DPYD: variants seen among roughly 807,000 people sequenced by gnomAD.
DPYD encodes the protein dihydropyrimidine dehydrogenase.
Under a neutral mutation model 116.2 loss-of-function variants are expected in DPYD, and 109 were observed. That is an observed-to-expected ratio of 0.94 (90% CI 0.80 to 1.10). The LOEUF (loss-of-function observed/expected upper bound fraction) is 1.10. Ranked by LOEUF, DPYD falls within the 50% of genes least tolerant of loss-of-function variation. The pLI, the probability that DPYD is intolerant of heterozygous loss-of-function variation, is 0.00. For missense variants in DPYD, 1,302 were observed against 1,254.5 expected (o/e 1.04, Z -0.57); for synonymous variants, 440 against 432.0 (o/e 1.02, Z -0.23).
chr1:97,327,182 C>T (rs143032186), intron 16 of DPYD, among the ~76,000 whole-genome samples: 3 of 152,124 alleles, frequency 2.0e-5, no homozygotes, highest in East Asian at 1.9e-4. Flanking sequence ...TTTCCAAGTC[C>T]TCTCACCTAT....
intron 20 of DPYD, among the ~76,000 whole-genome samples, chr1:97,115,972 A>G (rs1365201474): frequency 6.6e-6 from 1 of 152,136 alleles, no homozygotes; most frequent in Non-Finnish European, 1.5e-5. Context: ...AAACTCCTAC[A>G]TTTTAGGTCT....
At chr1:97,166,413 G>C (rs933297610) in intron 20 of DPYD, among the ~76,000 whole-genome samples, 4 of 152,036 alleles carry the variant, frequency 2.6e-5, no homozygotes, top group Non-Finnish European at 5.9e-5. Context: ...GGGACCTACT[G>C]AGAGTGAGGG....
intron 20 of DPYD, among the ~76,000 whole-genome samples, chr1:97,188,680 T>C (rs936663603): frequency 6.6e-6 from 1 of 152,148 alleles, no homozygotes; most frequent in Non-Finnish European, 1.5e-5. Context: ...ACAAAAGAAG[T>C]GACATTTAAG....
intron 8 of DPYD, among the ~76,000 whole-genome samples, chr1:97,640,232 G>T (rs1453304239): frequency 1.3e-5 from 2 of 151,964 alleles, no homozygotes; most frequent in Non-Finnish European, 2.9e-5. Context: ...TCCAATTGTT[G>T]CATTTAAGAT....
At chr1:97,871,789 T>C (rs562243889) in intron 2 of DPYD, among the ~76,000 whole-genome samples, 1 of 151,952 alleles carries the variant, frequency 6.6e-6, no homozygotes, top group East Asian at 2.0e-4. Context: ...TACTTCTCCA[T>C]GGTTTTTCCA....
chr1:97,402,156 A>C (rs572867203), intron 14 of DPYD, among the ~76,000 whole-genome samples: 1 of 152,094 alleles, frequency 6.6e-6, no homozygotes, highest in Non-Finnish European at 1.5e-5. Context: ...AATGCCCACA[A>C]CACAACTTGC....
chr1:97,281,783 G>T (rs1441689377), intron 18 of DPYD, among the ~76,000 whole-genome samples: 2 of 151,770 alleles, frequency 1.3e-5, no homozygotes. Flanking sequence ...GGACACACAG[G>T]GAATAATTTT....
intron 2 of DPYD, chr1:97,855,695 A>G (rs890066301): frequency 5.9e-5 from 9 of 152,238 alleles, no homozygotes; most frequent in African/African-American, 2.2e-4. Flanking sequence ...TGCAACCAAA[A>G]CAGCCTTCGA....
chr1:97,900,084 G>A (rs1673285430), intron 1 of DPYD, among the ~76,000 whole-genome samples: 2 of 151,862 alleles, frequency 1.3e-5, no homozygotes, highest in Admixed American at 1.3e-4. Context: ...GAAATAATAT[G>A]CATTTAGAAG....
At chr1:97,883,834 C>CAAA (rs11414362) in intron 1 of DPYD, 251 of 377,008 alleles carry the variant, frequency 6.7e-4, no homozygotes, top group South Asian at 8.9e-4. Flanking sequence ...TTAGGAATCA[C>CAAA]AAAAAAAAAA....
chr1:97,527,172 G>A (rs896571173), intron 12 of DPYD, among the ~76,000 whole-genome samples: 7 of 151,402 alleles, frequency 4.6e-5, no homozygotes, highest in Admixed American at 3.9e-4. Flanking sequence ...TCTACCTCCC[G>A]GGTTCACGCC....
chr1:97,342,609 A>G (rs1214485848), intron 16 of DPYD, among the ~76,000 whole-genome samples: 1 of 152,214 alleles, frequency 6.6e-6, no homozygotes, highest in Non-Finnish European at 1.5e-5. Flanking sequence ...ACTTGAACTG[A>G]AACCCCTTAA....
chr1:97,700,093 G>A (rs576194077), intron 5 of DPYD: 4 of 369,506 alleles, frequency 1.1e-5, no homozygotes, highest in East Asian at 7.6e-5. Context: ...AACTACTGAC[G>A]CAGGCATCTT....
intron 2 of DPYD, among the ~76,000 whole-genome samples, chr1:97,872,255 G>A (rs1000581279): frequency 6.6e-6 from 1 of 151,828 alleles, no homozygotes; most frequent in Non-Finnish European, 1.5e-5. Context: ...CCTTACACAG[G>A]GGAAAGTTTT....
At chr1:97,651,048 AT>A (rs1386161115) in intron 8 of DPYD, among the ~76,000 whole-genome samples, 3 of 152,168 alleles carry the variant, frequency 2.0e-5, no homozygotes, top group Non-Finnish European at 4.4e-5. Context: ...TGAGTGTTCA[AT>A]TAAGACCTCA....
At chr1:97,527,082 T>C (rs951946276) in intron 12 of DPYD, among the ~76,000 whole-genome samples, 4 of 151,810 alleles carry the variant, frequency 2.6e-5, no homozygotes, top group African/African-American at 7.3e-5. Flanking sequence ...ACCTTTTTTT[T>C]TTTTCTTTTT....
chr1:97,920,657 A>T (rs1173001697), intron 1 of DPYD, among the ~76,000 whole-genome samples: 1 of 152,186 alleles, frequency 6.6e-6, no homozygotes, highest in African/African-American at 2.4e-5. Flanking sequence ...TCCCGACGCA[A>T]AGGGCAACCC....
intron 16 of DPYD, chr1:97,322,796 T>C (rs1668376106): frequency 6.6e-6 from 1 of 151,940 alleles, no homozygotes; most frequent in African/African-American, 2.4e-5. Context: ...AAGTGAAATG[T>C]TTTTGGTAAA....
intron 8 of DPYD, among the ~76,000 whole-genome samples, chr1:97,676,991 C>A (rs935209412): frequency 2.6e-4 from 39 of 152,166 alleles, no homozygotes; most frequent in African/African-American, 8.0e-4. Flanking sequence ...TGTATTCACA[C>A]CTCAGTGCAG....
Sources: allele counts gnomAD v4.1 joint callset (sites outside exome capture counted in the v4.1 genomes callset), GRCh38; gene constraint gnomAD v4.1.1; transcripts MANE v1.5; gene names NCBI Gene and HGNC (gene_info 2026-07-23, HGNC 2026-07-21).